The following RUNX2 variants were observed in gnomAD, a reference collection of about 807,000 sequenced individuals.
RUNX2 encodes the protein RUNX family transcription factor 2.
RUNX2 carries 10 observed loss-of-function variants against 51.7 expected under a neutral mutation model. The observed-to-expected ratio is 0.19, with a 90% CI of 0.12 to 0.33. RUNX2 has a LOEUF of 0.33. Among genes scored for constraint, RUNX2 ranks in the 10% least tolerant of loss-of-function variants. The pLI is 1.00. For missense variants in RUNX2, 562 were observed against 691.3 expected (o/e 0.81, Z 2.10); for synonymous variants, 276 against 273.6 (o/e 1.01, Z -0.09).
At chr6:45,530,900 A>G (rs533895823) in intron 7 of RUNX2, among the ~76,000 whole-genome samples, 1 of 152,362 alleles carries the variant, frequency 6.6e-6, no homozygotes, top group African/African-American at 2.4e-5. Context: ...CAAAGGTGAG[A>G]GTAAAAATAA....
At chr6:45,538,385 A>G (rs12209785) in intron 7 of RUNX2, among the ~76,000 whole-genome samples, 29,806 of 152,020 alleles carry the variant, frequency 0.2, 3,455 homozygotes, top group Non-Finnish European at 0.26. Context: ...ACATGTGTAC[A>G]ACCTTCTGCC....
intron 5 of RUNX2, among the ~76,000 whole-genome samples, chr6:45,438,567 TG>T (rs988607097): frequency 2.6e-5 from 4 of 152,228 alleles, no homozygotes; most frequent in African/African-American, 7.2e-5. Context: ...ACAACACTGT[TG>T]TTTGGTCATG....
intron 5 of RUNX2, among the ~76,000 whole-genome samples, chr6:45,461,751 T>TG (rs1799481438): frequency 1.5e-5 from 2 of 137,120 alleles, no homozygotes; most frequent in Admixed American, 7.3e-5. Flanking sequence ...TGAGGCTTAC[T>TG]ATTTTTTTTT....
chr6:45,331,513 AAAGTT>A (rs1787504200), intron 2 of RUNX2, among the ~76,000 whole-genome samples: 1 of 152,002 alleles, frequency 6.6e-6, no homozygotes, highest in Admixed American at 6.6e-5. Flanking sequence ...GCAGAATTAC[AAAGTT>A]AAGAACAAAC....
At chr6:45,534,293 A>C (rs1801962232) in intron 7 of RUNX2, among the ~76,000 whole-genome samples, 1 of 152,114 alleles carries the variant, frequency 6.6e-6, no homozygotes, top group African/African-American at 2.4e-5. Flanking sequence ...CAACGCGTTC[A>C]CTTCAGCTCT....
intron 2 of RUNX2, among the ~76,000 whole-genome samples, chr6:45,342,619 AG>A (rs1790028705): frequency 6.6e-6 from 1 of 152,166 alleles, no homozygotes; most frequent in Non-Finnish European, 1.5e-5. Context: ...AACTCAAAAC[AG>A]TCATAATATA....
chr6:45,366,046 A>G (rs1289167414), intron 2 of RUNX2, among the ~76,000 whole-genome samples: 1 of 152,188 alleles, frequency 6.6e-6, no homozygotes, highest in East Asian at 1.9e-4. Flanking sequence ...TCAAAGTAAC[A>G]TTAAAATAAT....
intron 5 of RUNX2, among the ~76,000 whole-genome samples, chr6:45,477,105 AGC>A (rs1382948488): frequency 6.6e-6 from 1 of 152,220 alleles, no homozygotes; most frequent in African/African-American, 2.4e-5. Flanking sequence ...TCCCTGAAGC[AGC>A]AGAAGAGCAG....
At chr6:45,532,692 C>G (rs1415959283) in intron 7 of RUNX2, among the ~76,000 whole-genome samples, 1 of 152,174 alleles carries the variant, frequency 6.6e-6, no homozygotes, top group Admixed American at 6.5e-5. Flanking sequence ...ATAGATGTGG[C>G]CCTGCATCTG....
Position 45,422,642 on chromosome 6 carries a change from C to G in RUNX2, c.108C>G (p.Pro36=), listed in dbSNP as rs1293586153. The change falls in exon 3 of 9, where the codon CCC becomes CCG. Residue 36 remains proline, a synonymous_variant. Transcript: ENST00000647337. The part of the protein sequence containing the change: ...RFSPPSSSLQ[P]GKMSDVSPVV... ...GCCCCCCCTCCAGCAGCCTGCAGCC[C>G]GGCAAAATGAGCGACGTGAGCCCGG... 1 of 1,606,300 alleles carries G rather than the reference C, an allele frequency of 6.2e-7. No homozygotes were observed. The highest frequency in any genetic ancestry group is 1.1e-5 in the South Asian group (1 of 89,760).
intron 2 of RUNX2, among the ~76,000 whole-genome samples, chr6:45,419,150 G>C (rs1314935163): frequency 6.6e-6 from 1 of 152,124 alleles, no homozygotes; most frequent in African/African-American, 2.4e-5. Context: ...CCCTCTGGTG[G>C]TCCATATTTG....
intron 2 of RUNX2, among the ~76,000 whole-genome samples, chr6:45,407,270 G>A (rs1051110487): frequency 2.6e-5 from 4 of 151,716 alleles, no homozygotes; most frequent in Non-Finnish European, 5.9e-5. Context: ...GGCTGGTCTC[G>A]AACTCCTGAG....
At position 45,519,245 on chromosome 6, in the gene RUNX2, G is replaced by C. The variant is rs556008894; in HGVS notation, c.1021+6838G>C. ...CTTAAAATTAATACTTTATTCTTTTGAGAGATTTTAAGTTTACAGAAAAAT... is the reference window on the plus strand; with the variant it reads ...CTTAAAATTAATACTTTATTCTTTTCAGAGATTTTAAGTTTACAGAAAAAT... On this transcript the variant is annotated intron_variant, in intron 7 of 8. Transcript: ENST00000647337. 6.2e-4 allele frequency among the ~76,000 whole-genome samples: 94 copies of C among 152,206 alleles called. No individual in the cohort carries two copies. The South Asian group carries it at 0.018, about 29-fold the overall frequency.
intron 2 of RUNX2, among the ~76,000 whole-genome samples, chr6:45,362,606 T>C (rs1581911943): frequency 6.6e-6 from 1 of 152,176 alleles, no homozygotes; most frequent in African/African-American, 2.4e-5. Context: ...TATTTCCCTG[T>C]TCTATAAAGA....
intron 5 of RUNX2, among the ~76,000 whole-genome samples, chr6:45,483,258 G>A (rs1174909160): frequency 6.6e-6 from 1 of 152,042 alleles, no homozygotes; most frequent in African/African-American, 2.4e-5. Context: ...ATCAGACAGT[G>A]CACTCTTAGG....
intron 7 of RUNX2, among the ~76,000 whole-genome samples, chr6:45,542,093 T>C (rs2150448840): frequency 6.6e-6 from 1 of 152,188 alleles, no homozygotes; most frequent in East Asian, 1.9e-4. Flanking sequence ...GAAAACAGTG[T>C]GTGAAAGATG....
chr6:45,504,198 G>T lies in RUNX2; in HGVS notation c.860-8048G>T, dbSNP rs78845738. Among the ~76,000 whole-genome samples, 745 of 152,242 alleles carry T rather than the reference G, an allele frequency of 4.9e-3. 12 individuals are homozygous for T. The highest frequency in any genetic ancestry group is 0.017 in the African/African-American group (705 of 41,528). On this transcript the variant is annotated intron_variant, in intron 6 of 8. Coordinates refer to ENST00000647337, the MANE Select transcript of RUNX2 (RefSeq NM_001024630.4). ...GACATGAGCCAGATGCTCTGTGATG[G>T]GAGGCGCTGCATTGTCAGCTACCTT...
intron 8 of RUNX2, 131 bp downstream of exon 8, chr6:45,545,413 C>A: frequency 1.0e-6 from 1 of 964,702 alleles, no homozygotes; most frequent in Non-Finnish European, 1.5e-6. Flanking sequence ...TACAAATGCA[C>A]ATCATGGCAC....
chr6:45,520,489 C>T (rs531830905), intron 7 of RUNX2, among the ~76,000 whole-genome samples: 16 of 152,106 alleles, frequency 1.1e-4, no homozygotes, highest in Non-Finnish European at 1.8e-4. Flanking sequence ...ATATTTGACT[C>T]TCCTAGGTAA....
Sources: allele counts gnomAD v4.1 joint callset (sites outside exome capture counted in the v4.1 genomes callset), GRCh38; gene constraint gnomAD v4.1.1; transcripts MANE v1.5; gene names NCBI Gene and HGNC (gene_info 2026-07-23, HGNC 2026-07-21).